Variants in SPAM1 observed in about 807,000 individuals in gnomAD.
SPAM1 encodes the protein sperm adhesion molecule 1.
In SPAM1, 22 loss-of-function variants were observed where a neutral mutation model predicts 29.6. The observed-to-expected ratio is 0.74, with a 90% CI of 0.53 to 1.06. SPAM1 has a LOEUF of 1.06. SPAM1 is among the 50% of genes least tolerant of loss of function. The pLI is 0.00. For synonymous variants in SPAM1, 194 were observed against 204.6 expected, an observed-to-expected ratio of 0.95 and a Z score of 0.44; for missense variants, 534 against 604.0, an observed-to-expected ratio of 0.88 and a Z score of 1.21.
intron 1 of SPAM1, among the ~76,000 whole-genome samples, chr7:123,946,151 G>A (rs2117046343): frequency 6.6e-6 from 1 of 152,322 alleles, no homozygotes; most frequent in Non-Finnish European, 1.5e-5. Flanking sequence ...TTGGAAGTGA[G>A]CTCAAATTAC....
At chr7:123,960,182 C>G (rs1003000219), downstream of SPAM1, 33 of 601,302 alleles carry the variant, frequency 5.5e-5, no homozygotes, top group Non-Finnish European at 8.0e-5. Flanking sequence ...ATTTGTATTC[C>G]AGGAGTCAAT....
At chr7:123,939,975 T>C (rs1322360620) in intron 1 of SPAM1, among the ~76,000 whole-genome samples, 1 of 152,174 alleles carries the variant, frequency 6.6e-6, no homozygotes, top group Non-Finnish European at 1.5e-5. Context: ...GGCTACAAAT[T>C]ATCACTTTTC....
chr7:123,966,889 A>C (rs921767927), intron 5 of SPAM1, among the ~76,000 whole-genome samples: 2 of 152,062 alleles, frequency 1.3e-5, no homozygotes, highest in African/African-American at 4.8e-5. Flanking sequence ...CACATCCTGC[A>C]CATATACCCT....
chr7:123,963,414 A>C (rs1441754708), downstream of SPAM1, among the ~76,000 whole-genome samples: 1 of 151,528 alleles, frequency 6.6e-6, no homozygotes, highest in Non-Finnish European at 1.5e-5. Context: ...GACTGTTGCC[A>C]TTTCTAAAAT....
intron 1 of SPAM1, among the ~76,000 whole-genome samples, chr7:123,945,902 C>T (rs1808563555): frequency 1.3e-5 from 2 of 151,920 alleles, no homozygotes; most frequent in Admixed American, 6.6e-5. Context: ...TTGACCAAGT[C>T]AGGTAGAGTT....
intron 1 of SPAM1, among the ~76,000 whole-genome samples, chr7:123,943,802 A>G (rs1808496494): frequency 6.6e-6 from 1 of 152,182 alleles, no homozygotes; most frequent in Non-Finnish European, 1.5e-5. Context: ...TGATAACTCA[A>G]AGATTAAAAA....
At chr7:123,957,341 C>T (rs115211633) in intron 4 of SPAM1, among the ~76,000 whole-genome samples, 2,377 of 152,004 alleles carry the variant, frequency 0.016, 55 homozygotes, top group African/African-American at 0.054. Context: ...AAAGACCATT[C>T]CAAGCAGTGG....
chr7:123,958,815 G>C (rs1366293235), intron 4 of SPAM1, among the ~76,000 whole-genome samples: 1 of 151,352 alleles, frequency 6.6e-6, no homozygotes, highest in African/African-American at 2.4e-5. Context: ...CTGGGCAACA[G>C]AGTAAGACTT....
At chr7:123,957,868 G>A (rs1051801209) in intron 4 of SPAM1, among the ~76,000 whole-genome samples, 5 of 151,912 alleles carry the variant, frequency 3.3e-5, no homozygotes, top group African/African-American at 9.7e-5. Flanking sequence ...CTTAAAGTCA[G>A]CCAAGGTGGG....
At chr7:123,934,121 A>T (rs996552751) in intron 1 of SPAM1, among the ~76,000 whole-genome samples, 1 of 152,308 alleles carries the variant, frequency 6.6e-6, no homozygotes, top group African/African-American at 2.4e-5. Flanking sequence ...GTAATAGGCT[A>T]TATCATCTAG....
intron 1 of SPAM1, among the ~76,000 whole-genome samples, chr7:123,931,180 CCTT>C (rs1459736486): frequency 2.0e-5 from 3 of 152,184 alleles, no homozygotes; most frequent in African/African-American, 4.8e-5. Context: ...TTTTATCTGA[CCTT>C]CTTCTGCCCT....
At chr7:123,933,312 C>T (rs1387701165) in intron 1 of SPAM1, among the ~76,000 whole-genome samples, 1 of 151,966 alleles carries the variant, frequency 6.6e-6, no homozygotes, top group African/African-American at 2.4e-5. Flanking sequence ...TAAGCGAGAA[C>T]ATGGGGTGTT....
downstream of SPAM1, among the ~76,000 whole-genome samples, chr7:123,964,471 T>G (rs1416164612): frequency 6.7e-6 from 1 of 150,316 alleles, no homozygotes; most frequent in Non-Finnish European, 1.5e-5. Context: ...TCATTATAAA[T>G]AATTTTATTT....
At chr7:123,966,271 C>T (rs1430161484) in intron 5 of SPAM1, among the ~76,000 whole-genome samples, 1 of 152,006 alleles carries the variant, frequency 6.6e-6, no homozygotes, top group Non-Finnish European at 1.5e-5. Flanking sequence ...CAAGAAACAA[C>T]AGATGCTGGT....
chr7:123,950,173 A>T (rs1315247256), intron 2 of SPAM1, among the ~76,000 whole-genome samples, 190 bp downstream of exon 2: 1 of 152,140 alleles, frequency 6.6e-6, no homozygotes, highest in Non-Finnish European at 1.5e-5. Context: ...TAAATTAGTT[A>T]AGATTTTCCG....
In SPAM1 at chr7:123,959,593, G is replaced by A; in HGVS notation, c.1154G>A (p.Gly385Glu). ...MCSQVLCQEQ[G>E]VCIRKNWNSS... is the part of the protein sequence containing the mutation. Reference sequence around the variant, plus strand: ...AGCCAAGTGCTTTGCCAGGAGCAAGGAGTGTGTATAAGGAAAAACTGGAAT... The same window carrying A: ...AGCCAAGTGCTTTGCCAGGAGCAAGAAGTGTGTATAAGGAAAAACTGGAAT... Residue 385 changes from glycine to glutamate, a missense_variant, in exon 5 of 5, where the codon GGA becomes GAA. Physicochemically the swap from Gly to Glu is moderately conservative, Grantham distance 98 (BLOSUM62 -2). Coordinates refer to ENST00000682466, the MANE Select transcript of SPAM1 (RefSeq NM_153189.3). 1 of 1,613,196 alleles carries A rather than the reference G, an allele frequency of 6.2e-7. No individual in the cohort carries two copies. Among genetic ancestry groups the A allele is most frequent in the Non-Finnish European group, 8.5e-7 (1 of 1,179,546 alleles).
chr7:123,964,212 C>G (rs1563034146), downstream of SPAM1, among the ~76,000 whole-genome samples: 1 of 151,760 alleles, frequency 6.6e-6, no homozygotes. Context: ...TATATTATCA[C>G]TGATGCATTA....
At chr7:123,927,836 A>G (rs929205916) in intron 1 of SPAM1, among the ~76,000 whole-genome samples, 5 of 152,220 alleles carry the variant, frequency 3.3e-5, no homozygotes, top group African/African-American at 1.2e-4. Flanking sequence ...TGAGGTATGC[A>G]TCTATGTTGA....
chr7:123,950,451 G>T lies in SPAM1; in HGVS notation c.-207+468G>T, dbSNP rs534719732. On this transcript the variant is annotated intron_variant, in intron 2 of 4. Coordinates refer to ENST00000682466, the MANE Select transcript of SPAM1 (RefSeq NM_153189.3). Reference sequence around the variant, plus strand: ...CCTTTCAGAGTGCCCAGTGTCTACTGCTTCCATCTTTATGTCCATGAGTAC... The same window carrying T: ...CCTTTCAGAGTGCCCAGTGTCTACTTCTTCCATCTTTATGTCCATGAGTAC... Among the ~76,000 whole-genome samples, 28 of 151,944 alleles carry T rather than the reference G, an allele frequency of 1.8e-4. 1 individual carries two copies. The highest frequency in any genetic ancestry group is 3.7e-4 in the Non-Finnish European group (25 of 67,968).
Sources: gnomAD v4.1 joint callset for allele counts (sites outside exome capture counted in the v4.1 genomes callset) on GRCh38, gnomAD v4.1.1 for gene constraint, MANE v1.5 for transcripts, NCBI Gene and HGNC (gene_info 2026-07-23, HGNC 2026-07-21) for gene names.